GARRE1: variants seen among roughly 807,000 people sequenced by gnomAD.
GARRE1 encodes the protein granule associated Rac and RHOG effector protein 1.
A neutral mutation model predicts 103.2 loss-of-function variants in GARRE1; 49 were observed. The ratio of observed to expected loss-of-function variants is 0.47; its 90% confidence interval spans 0.38 to 0.60. The LOEUF (loss-of-function observed/expected upper bound fraction) is 0.60, where lower values mean the gene tolerates loss of function less well. Ranked by LOEUF, GARRE1 falls within the 20% of genes least tolerant of loss-of-function variation. The pLI, the probability that GARRE1 is intolerant of heterozygous loss-of-function variation, is 0.00. For synonymous variants in GARRE1, 505 were observed against 532.8 expected (o/e 0.95, Z 0.72); for missense variants, 1,199 against 1,370.5 (o/e 0.87, Z 1.98).
intron 2 of GARRE1, among the ~76,000 whole-genome samples, chr19:34,312,604 G>T (rs778908620): frequency 3.9e-5 from 6 of 152,188 alleles, no homozygotes; most frequent in Non-Finnish European, 7.3e-5. Context: ...GCTCATTCAT[G>T]TTGTAGCTCG....
intron 2 of GARRE1, among the ~76,000 whole-genome samples, chr19:34,314,992 A>C (rs1213868277): frequency 6.6e-6 from 1 of 152,226 alleles, no homozygotes; most frequent in East Asian, 1.9e-4. Context: ...TAGGAACCTA[A>C]TGTAACATTT....
intron 1 of GARRE1, among the ~76,000 whole-genome samples, chr19:34,295,521 T>TGTTTG: frequency 6.6e-6 from 1 of 151,086 alleles, no homozygotes; most frequent in Middle Eastern, 3.5e-3. Context: ...CTTGGTGTTT[T>TGTTTG]GTTTTGTTTT....
rs1265636918 is a variant in GARRE1, at chr19:34,330,749, T to TG, written c.1263+403dup. On this transcript the variant is annotated intron_variant, in intron 7 of 13. Transcript: ENST00000299505. ...CCTCTTTTTTTTTTTTTTTTTTTTT[T>TG]GTGTGTGTGTGTGTGACAGACTCTT... Among the ~76,000 whole-genome samples the TG allele has an allele frequency of 2.6e-3, 316 of 122,410 alleles. 2 individuals carry two copies. Among genetic ancestry groups the TG allele is most frequent in the Admixed American group, 4.3e-3 (46 of 10,760 alleles). 80.3% of individuals were successfully genotyped at this position (122,410 alleles called of 152,430 possible). A position where few individuals can be genotyped will look rare whatever the true frequency, so the allele number is the denominator to read the frequency against.
At chr19:34,348,764 C>T in intron 11 of GARRE1, 1 of 469,182 alleles carries the variant, frequency 2.1e-6, no homozygotes, top group South Asian at 2.4e-5. Flanking sequence ...CATGCTCTCC[C>T]TCCCTTGCTT....
rs2074146949 is a variant in GARRE1, at chr19:34,333,592, T to C, written c.1264-112T>C. On this transcript the variant is annotated intron_variant, in intron 7 of 13. Coordinates refer to ENST00000299505, the MANE Select transcript of GARRE1 (RefSeq NM_014686.5). Reference sequence around the variant, plus strand: ...CTGACTGGCCTTGGCATAACTAGGCTGCTAGGGGAATAGTTCTTAGAGAGT... The same window carrying C: ...CTGACTGGCCTTGGCATAACTAGGCCGCTAGGGGAATAGTTCTTAGAGAGT... The C allele has an allele frequency of 5.9e-6, 4 of 681,020 alleles. No homozygotes were observed. The Admixed American group carries it at 1.1e-4, about 18-fold the overall frequency. 42.2% of individuals were successfully genotyped at this position (681,020 alleles called of 1,614,324 possible).
At chr19:34,267,085 G>A (rs891917545) in intron 1 of GARRE1, among the ~76,000 whole-genome samples, 2 of 152,104 alleles carry the variant, frequency 1.3e-5, no homozygotes, top group African/African-American at 4.8e-5. Context: ...ACATCACAGC[G>A]AAACCCCATC....
At chr19:34,271,581 C>G (rs2073788386) in intron 1 of GARRE1, among the ~76,000 whole-genome samples, 1 of 152,106 alleles carries the variant, frequency 6.6e-6, no homozygotes, top group African/African-American at 2.4e-5. Context: ...GAACTAGGAG[C>G]TGGGCGCGGT....
At chr19:34,304,155 ATC>A (rs1568536887) in intron 2 of GARRE1, among the ~76,000 whole-genome samples, 1 of 148,042 alleles carries the variant, frequency 6.8e-6, no homozygotes, top group Non-Finnish European at 1.5e-5. Flanking sequence ...TGCATTGGCG[ATC>A]TCAGCTCACT....
At chr19:34,297,917 T>C (rs2073955710) in intron 1 of GARRE1, among the ~76,000 whole-genome samples, 1 of 152,220 alleles carries the variant, frequency 6.6e-6, no homozygotes. Flanking sequence ...TATGTGTTTG[T>C]ATCCACAGTG....
intron 1 of GARRE1, among the ~76,000 whole-genome samples, chr19:34,260,392 A>G (rs1256609205): frequency 6.6e-6 from 1 of 152,240 alleles, no homozygotes; most frequent in Admixed American, 6.5e-5. Context: ...TCATTGCGAT[A>G]TTCACTTTCT....
intron 1 of GARRE1, among the ~76,000 whole-genome samples, chr19:34,258,046 C>A (rs1240909306): frequency 6.6e-6 from 1 of 151,796 alleles, no homozygotes; most frequent in Non-Finnish European, 1.5e-5. Flanking sequence ...TGCGCCACCA[C>A]CCCCAGCAAA....
intron 2 of GARRE1, among the ~76,000 whole-genome samples, chr19:34,305,697 G>A (rs958241898): frequency 4.6e-5 from 7 of 152,196 alleles, no homozygotes; most frequent in African/African-American, 9.7e-5. Flanking sequence ...AGCCGCTGGG[G>A]CACAGCAGTA....
chr19:34,272,356 G>A (rs2073792896), intron 1 of GARRE1, among the ~76,000 whole-genome samples: 1 of 152,088 alleles, frequency 6.6e-6, no homozygotes, highest in African/African-American at 2.4e-5. Flanking sequence ...CCACCACCAT[G>A]CCCGGCTAAT....
At chr19:34,335,646 T>C (rs1415730286) in intron 8 of GARRE1, among the ~76,000 whole-genome samples, 2 of 152,158 alleles carry the variant, frequency 1.3e-5, no homozygotes, top group African/African-American at 2.4e-5. Flanking sequence ...CTGCCTCAGC[T>C]TCCTGGGTAG....
intron 1 of GARRE1, among the ~76,000 whole-genome samples, chr19:34,271,450 A>T (rs2073787161): frequency 6.6e-6 from 1 of 151,694 alleles, no homozygotes; most frequent in South Asian, 2.1e-4. Flanking sequence ...GGGTTTCACC[A>T]TGTTGGCCAG....
At chr19:34,351,391 C>T in intron 12 of GARRE1, 123 bp from the exon 13 acceptor site, 1 of 736,260 alleles carries the variant, frequency 1.4e-6, no homozygotes. Context: ...TTGACCCAGG[C>T]AGGCCTCCTC....
chr19:34,291,389 T>C (rs1009969337), intron 1 of GARRE1, among the ~76,000 whole-genome samples: 17 of 152,228 alleles, frequency 1.1e-4, no homozygotes, highest in South Asian at 2.1e-4. Flanking sequence ...AAGTTAGTTA[T>C]GTGAAGAAAG....
intron 1 of GARRE1, among the ~76,000 whole-genome samples, chr19:34,264,210 G>C (rs140573240): frequency 3.2e-4 from 49 of 152,304 alleles, no homozygotes; most frequent in African/African-American, 1.1e-3. Flanking sequence ...CTTGGGAACT[G>C]AGGTGGCCCA....
At chr19:34,276,243 A>G (rs2073816474) in intron 1 of GARRE1, among the ~76,000 whole-genome samples, 1 of 152,080 alleles carries the variant, frequency 6.6e-6, no homozygotes, top group African/African-American at 2.4e-5. Context: ...GGGTTTCGCC[A>G]TGTTGACCAG....
Sources: gnomAD v4.1 joint callset for allele counts (sites outside exome capture counted in the v4.1 genomes callset) on GRCh38, gnomAD v4.1.1 for gene constraint, MANE v1.5 for transcripts, NCBI Gene and HGNC (gene_info 2026-07-23, HGNC 2026-07-21) for gene names.